Variants in SYN2 observed in about 807,000 individuals in gnomAD.
SYN2 encodes synapsin II.
Under a neutral mutation model 50.9 loss-of-function variants are expected in SYN2, and 19 were observed. That is an observed-to-expected ratio of 0.37 (90% CI 0.26 to 0.55). The LOEUF is 0.55. Ranked by LOEUF, SYN2 falls within the 20% of genes least tolerant of loss-of-function variation. The pLI is 0.81. For synonymous variants in SYN2, 255 were observed against 224.9 expected (o/e 1.13, Z -1.20); for missense variants, 587 against 576.4 (o/e 1.02, Z -0.19).
At chr3:12,089,433 A>G (rs1271326579) in intron 1 of SYN2, among the ~76,000 whole-genome samples, 1 of 152,332 alleles carries the variant, frequency 6.6e-6, no homozygotes, top group East Asian at 1.9e-4. Flanking sequence ...ACACATGGGA[A>G]TTATGGGAGC....
chr3:12,035,156 G>A (rs1200304638), intron 1 of SYN2, among the ~76,000 whole-genome samples: 1 of 152,202 alleles, frequency 6.6e-6, no homozygotes, highest in Non-Finnish European at 1.5e-5. Context: ...CATGAATAAC[G>A]TTAAATCTTA....
intron 1 of SYN2, among the ~76,000 whole-genome samples, chr3:12,052,238 A>G (rs1270082423): frequency 6.6e-6 from 1 of 152,156 alleles, no homozygotes; most frequent in Non-Finnish European, 1.5e-5. Flanking sequence ...CAGATTTTGC[A>G]GAAGAGAAAC....
chr3:12,150,549 A>C (rs142132272), intron 4 of SYN2, among the ~76,000 whole-genome samples: 1 of 152,190 alleles, frequency 6.6e-6, no homozygotes, highest in East Asian at 1.9e-4. Context: ...CAACCCTGAC[A>C]CTGTAAGTAT....
chr3:12,125,101 G>A (rs553799855), intron 1 of SYN2, among the ~76,000 whole-genome samples: 38 of 151,718 alleles, frequency 2.5e-4, no homozygotes, highest in African/African-American at 7.7e-4. Flanking sequence ...TGCAACCTCC[G>A]CCTCCCGGGT....
At chr3:12,161,750 G>T in intron 6 of SYN2, 142 bp downstream of exon 6, 1 of 1,094,460 alleles carries the variant, frequency 9.1e-7, no homozygotes, top group Non-Finnish European at 1.3e-6. Flanking sequence ...CTAAAGCCAT[G>T]AGTGTCACCC....
chr3:12,033,872 C>A (rs564667147), intron 1 of SYN2, among the ~76,000 whole-genome samples: 1 of 152,240 alleles, frequency 6.6e-6, no homozygotes, highest in African/African-American at 2.4e-5. Flanking sequence ...GAATTTTATT[C>A]CTACACACAA....
At chr3:12,086,699 A>G (rs1695709020) in intron 1 of SYN2, among the ~76,000 whole-genome samples, 1 of 152,200 alleles carries the variant, frequency 6.6e-6, no homozygotes, top group African/African-American at 2.4e-5. Flanking sequence ...CAAATTAGCT[A>G]TAGAAAGAAT....
At chr3:12,029,905 C>T (rs1366602342) in intron 1 of SYN2, among the ~76,000 whole-genome samples, 37 of 78,180 alleles carry the variant, frequency 4.7e-4, no homozygotes, top group South Asian at 2.0e-3. Context: ...CCAGAACTTC[C>T]AACACTATGT....
chr3:12,008,810 A>G (rs1485205210), intron 1 of SYN2, among the ~76,000 whole-genome samples: 1 of 152,206 alleles, frequency 6.6e-6, no homozygotes, highest in Non-Finnish European at 1.5e-5. Context: ...ACTGAGCTCG[A>G]AGAATTGGAA....
chr3:12,090,706 G>A (rs1695807531), intron 1 of SYN2, among the ~76,000 whole-genome samples: 1 of 152,172 alleles, frequency 6.6e-6, no homozygotes, highest in Non-Finnish European at 1.5e-5. Flanking sequence ...AGCTTGATGT[G>A]AAACTCTACT....
At chr3:12,110,969 G>T (rs1472601622) in intron 1 of SYN2, among the ~76,000 whole-genome samples, 1 of 152,214 alleles carries the variant, frequency 6.6e-6, no homozygotes, top group African/African-American at 2.4e-5. Context: ...ATGCTGAAAT[G>T]AGTTAAGACT....
chr3:12,154,710 T>C (rs1441944498), intron 5 of SYN2, among the ~76,000 whole-genome samples: 2 of 152,236 alleles, frequency 1.3e-5, no homozygotes, highest in Non-Finnish European at 2.9e-5. Context: ...GAGAGAAGAA[T>C]GTGGTCTTTA....
At chr3:12,118,062 A>G (rs1247548347) in intron 1 of SYN2, among the ~76,000 whole-genome samples, 1 of 152,244 alleles carries the variant, frequency 6.6e-6, no homozygotes, top group African/African-American at 2.4e-5. Context: ...AGTGCGAAGT[A>G]GCATGACAAC....
intron 1 of SYN2, among the ~76,000 whole-genome samples, chr3:12,057,379 A>C (rs1186435544): frequency 6.6e-6 from 1 of 151,536 alleles, no homozygotes; most frequent in Admixed American, 6.6e-5. Flanking sequence ...TTTTCTAGTG[A>C]AACATGAACA....
chr3:12,183,854 C>G (rs1469890671), intron 11 of SYN2: 3 of 1,027,364 alleles, frequency 2.9e-6, no homozygotes, highest in Non-Finnish European at 3.5e-6. Context: ...CTCCTCCCCC[C>G]AAGCTCAGTT....
chr3:12,051,724 C>T (rs1354048802), intron 1 of SYN2, among the ~76,000 whole-genome samples: 1 of 152,206 alleles, frequency 6.6e-6, no homozygotes, highest in Non-Finnish European at 1.5e-5. Context: ...GAGATCTTCT[C>T]TGGACCAGAG....
intron 10 of SYN2, among the ~76,000 whole-genome samples, chr3:12,179,056 C>T (rs1698159686): frequency 6.6e-6 from 1 of 152,186 alleles, no homozygotes; most frequent in South Asian, 2.1e-4. Flanking sequence ...TCCTTGCATT[C>T]CTCCCTTAAC....
chr3:12,055,624 G>T (rs1051385308), intron 1 of SYN2, among the ~76,000 whole-genome samples: 1 of 152,220 alleles, frequency 6.6e-6, no homozygotes, highest in East Asian at 1.9e-4. Flanking sequence ...AACTGTTTGA[G>T]GCTTTAAAAA....
intron 1 of SYN2, among the ~76,000 whole-genome samples, chr3:12,021,862 C>T (rs549985045): frequency 2.0e-5 from 3 of 151,106 alleles, no homozygotes; most frequent in Admixed American, 2.0e-4. Context: ...CTCAGGAGCT[C>T]GAGACCAGCC....
Sources: allele counts gnomAD v4.1 joint callset (sites outside exome capture counted in the v4.1 genomes callset), GRCh38; gene constraint gnomAD v4.1.1; transcripts MANE v1.5; gene names NCBI Gene and HGNC (gene_info 2026-07-23, HGNC 2026-07-21).